EYS: variants seen among roughly 807,000 people sequenced by gnomAD.
EYS encodes the protein protein eyes shut homolog.
Under a neutral mutation model 282.1 loss-of-function variants are expected in EYS, and 250 were observed. That is an observed-to-expected ratio of 0.89 (90% CI 0.80 to 0.98). The LOEUF (loss-of-function observed/expected upper bound fraction) is 0.98, where lower values mean the gene tolerates loss of function less well. Ranked by LOEUF, EYS falls within the 50% of genes least tolerant of loss-of-function variation. The pLI, the probability that EYS is intolerant of heterozygous loss-of-function variation, is 0.00. For missense variants in EYS, 4,016 were observed against 3,709.0 expected, an observed-to-expected ratio of 1.08 and a Z score of -2.15; for synonymous variants, 1,355 against 1,282.9, an observed-to-expected ratio of 1.06 and a Z score of -1.20.
intron 26 of EYS, among the ~76,000 whole-genome samples, chr6:64,455,181 C>T (rs550008838): frequency 3.3e-5 from 5 of 152,026 alleles, no homozygotes; most frequent in South Asian, 2.1e-4. Flanking sequence ...CAAAGTGTTA[C>T]GATTATAGGC....
intron 22 of EYS, among the ~76,000 whole-genome samples, chr6:64,783,269 G>A (rs1037525893): frequency 2.0e-5 from 3 of 151,668 alleles, no homozygotes; most frequent in African/African-American, 7.3e-5. Context: ...CCTAATTTAT[G>A]AACTAAACCT....
intron 31 of EYS, among the ~76,000 whole-genome samples, chr6:64,167,861 T>C (rs1320099550): frequency 3.9e-5 from 6 of 152,214 alleles, no homozygotes; most frequent in African/African-American, 1.4e-4. Flanking sequence ...AGGAGATATA[T>C]GAGCGGCATT....
intron 36 of EYS, among the ~76,000 whole-genome samples, chr6:63,846,327 C>A (rs1416659528): frequency 6.6e-6 from 1 of 152,126 alleles, no homozygotes; most frequent in Non-Finnish European, 1.5e-5. Flanking sequence ...AGGCATCCAC[C>A]TGGAGAGTGA....
chr6:64,693,627 T>C (rs1770474406), intron 22 of EYS, among the ~76,000 whole-genome samples: 1 of 152,100 alleles, frequency 6.6e-6, no homozygotes, highest in South Asian at 2.1e-4. Flanking sequence ...ACATCATAGG[T>C]AAAATTGAAT....
chr6:64,631,722 G>T (rs72876926), intron 22 of EYS: 6 of 152,054 alleles, frequency 3.9e-5, no homozygotes, highest in Non-Finnish European at 8.8e-5. Flanking sequence ...CAATTCTCCA[G>T]AATTGCTTTA....
At chr6:63,965,241 A>C (rs1392216044) in intron 35 of EYS, among the ~76,000 whole-genome samples, 1 of 152,214 alleles carries the variant, frequency 6.6e-6, no homozygotes, top group African/African-American at 2.4e-5. Context: ...TGTGTAAGAT[A>C]CTATCGATAA....
chr6:64,125,154 G>GCGCGCGCGCGC (rs1773724746), intron 31 of EYS, among the ~76,000 whole-genome samples: 2 of 145,332 alleles, frequency 1.4e-5, no homozygotes, highest in African/African-American at 5.2e-5. Flanking sequence ...CACACTCTCT[G>GCGCGCGCGCGC]TCTCTCTCTC....
At chr6:65,468,376 G>C (rs1765083942) in intron 5 of EYS, among the ~76,000 whole-genome samples, 1 of 152,080 alleles carries the variant, frequency 6.6e-6, no homozygotes, top group Non-Finnish European at 1.5e-5. Context: ...CACTAAGCTA[G>C]ATTAGCTACT....
intron 29 of EYS, among the ~76,000 whole-genome samples, chr6:64,377,364 G>T (rs533253758): frequency 6.6e-6 from 1 of 152,240 alleles, no homozygotes; most frequent in Non-Finnish European, 1.5e-5. Flanking sequence ...ACTCAAAGTA[G>T]ACCCAAAACA....
intron 15 of EYS, among the ~76,000 whole-genome samples, chr6:64,913,632 C>T (rs960246476): frequency 3.9e-5 from 6 of 152,114 alleles, no homozygotes; most frequent in African/African-American, 1.4e-4. Flanking sequence ...GTATATGCAT[C>T]ACATATTCTT....
chr6:64,801,173 A>G (rs918968871), intron 22 of EYS, among the ~76,000 whole-genome samples: 6 of 152,160 alleles, frequency 3.9e-5, no homozygotes, highest in Non-Finnish European at 7.4e-5. Context: ...AGGGCCAGTC[A>G]TAAGTTTAAA....
At chr6:64,251,717 T>G (rs1767224569) in intron 30 of EYS, among the ~76,000 whole-genome samples, 1 of 152,146 alleles carries the variant, frequency 6.6e-6, no homozygotes. Flanking sequence ...CTTCCCTAAA[T>G]ATTCATCGTG....
rs191535797 is a variant in EYS, at chr6:64,229,938, A to T, written c.6424+654T>A. Among the ~76,000 whole-genome samples the T allele has an allele frequency of 2.0e-3, 312 of 152,314 alleles. 1 individual carries two copies. Among genetic ancestry groups the T allele is most frequent in the Non-Finnish European group, 3.4e-3 (228 of 68,028 alleles). ...GGAGATTAGTTGTATAGACACAATG[A>T]CACTTCAGCTATCAGTGCAAGGACA... On this transcript the variant is annotated intron_variant, in intron 31 of 42. Coordinates refer to ENST00000503581, the MANE Select transcript of EYS (RefSeq NM_001142800.2).
At chr6:65,021,511 C>T (rs1772253146) in intron 13 of EYS, among the ~76,000 whole-genome samples, 1 of 152,184 alleles carries the variant, frequency 6.6e-6, no homozygotes, top group African/African-American at 2.4e-5. Context: ...CCAAACTTTC[C>T]CACATCTTCC....
intron 8 of EYS, among the ~76,000 whole-genome samples, chr6:65,374,374 T>A (rs1582205390): frequency 6.6e-6 from 1 of 152,264 alleles, no homozygotes; most frequent in South Asian, 2.1e-4. Context: ...GCCCAGATAC[T>A]ACACTTTTCC....
chr6:64,590,829 T>C lies in EYS; in HGVS notation c.5038A>G (p.Asn1680Asp), dbSNP rs540546920. ...GTCATTTTTGAAGTCAAATCAGAAT[T>C]CATCAAGTCTGAAGAGATAGTTTGT... Reference protein sequence around the residue: ...PSQTISSDLMNSDLTSKMTTD... With the variant: ...PSQTISSDLMDSDLTSKMTTD... The change falls in exon 26 of 43, where the codon AAT becomes GAT. Residue 1680 changes from asparagine (N) to aspartate (D), a missense_variant. Transcript: ENST00000503581. 95 of 1,550,458 alleles carry C rather than the reference T, an allele frequency of 6.1e-5. No homozygotes were observed. In the South Asian group the frequency reaches 1.1e-3, roughly 17 times the overall value.
At chr6:64,307,163 A>C in intron 29 of EYS, 81 bp from the exon 30 acceptor site, 1 of 708,556 alleles carries the variant, frequency 1.4e-6, no homozygotes, top group Middle Eastern at 2.5e-4. Flanking sequence ...CAAACTGGTC[A>C]GGGTATGCAA....
intron 12 of EYS, among the ~76,000 whole-genome samples, chr6:65,077,078 G>C (rs547441624): frequency 6.6e-6 from 1 of 151,750 alleles, no homozygotes; most frequent in Non-Finnish European, 1.5e-5. Context: ...CTGTAGTCAC[G>C]TCTACACACA....
intron 2 of EYS, among the ~76,000 whole-genome samples, chr6:65,572,082 A>T (rs1473859573): frequency 6.6e-6 from 1 of 152,130 alleles, no homozygotes; most frequent in Non-Finnish European, 1.5e-5. Flanking sequence ...TGCTTGTAAG[A>T]TACCATAATT....
Sources: allele counts gnomAD v4.1 joint callset (sites outside exome capture counted in the v4.1 genomes callset), GRCh38; gene constraint gnomAD v4.1.1; transcripts MANE v1.5; gene names NCBI Gene and HGNC (gene_info 2026-07-23, HGNC 2026-07-21).